Variants in SGSM1 observed in about 807,000 individuals in gnomAD.
The protein encoded by SGSM1 is small G protein signaling modulator 1.
SGSM1 carries 73 observed loss-of-function variants against 133.8 expected under a neutral mutation model. That is an observed-to-expected ratio of 0.55 (90% CI 0.45 to 0.66). The LOEUF (loss-of-function observed/expected upper bound fraction) is 0.66. Ranked by LOEUF, SGSM1 falls within the 30% of genes least tolerant of loss-of-function variation. The pLI is 0.00. For missense variants in SGSM1, 1,213 were observed against 1,448.1 expected (o/e 0.84, Z 2.64); for synonymous variants, 563 against 573.0 (o/e 0.98, Z 0.25).
chr22:24,859,198 G>A (rs557034724), intron 8 of SGSM1, among the ~76,000 whole-genome samples: 6 of 152,168 alleles, frequency 3.9e-5, no homozygotes, highest in Admixed American at 6.5e-5. Flanking sequence ...AAACAAAGCC[G>A]GTGAGAATTC....
In SGSM1 at chr22:24,855,342, A is replaced by T. The variant is rs1930706018; in HGVS notation, c.581A>T (p.Asp194Val). 1 of 1,613,314 alleles carries T rather than the reference A, an allele frequency of 6.2e-7. No homozygotes were observed. Among genetic ancestry groups the T allele is most frequent in the Non-Finnish European group, 8.5e-7 (1 of 1,179,636 alleles). ...KMKTADHFWT[D>V]PSADELVQRH... ...AAGACTGCAGATCACTTCTGGACCG[A>T]TCCCTCGGCTGACGAACTTGTCCAG... Residue 194 changes from aspartate (D) to valine (V), a missense_variant, in exon 7 of 25, where the codon GAT becomes GTT. Transcript: ENST00000400358.
chr22:24,901,801 T>C, intron 19 of SGSM1, 32 bp from the exon 20 acceptor site: 3 of 1,605,358 alleles, frequency 1.9e-6, no homozygotes, highest in Non-Finnish European at 2.6e-6. Context: ...TTTTCATTTC[T>C]TCCCCCTACC....
In SGSM1 at chr22:24,806,939, T is replaced by G. The variant is rs75249356; in HGVS notation, c.63+455T>G. Reference sequence around the variant, plus strand: ...GAAAAGGCAGAAGGAAAATAAAACCTCCCTTCCCAGCCCCCGAATTCTCAG... The same window carrying G: ...GAAAAGGCAGAAGGAAAATAAAACCGCCCTTCCCAGCCCCCGAATTCTCAG... On this transcript the variant is annotated intron_variant, in intron 2 of 24. Transcript: ENST00000400358. Among the ~76,000 whole-genome samples the G allele has an allele frequency of 1.3e-3, 197 of 151,840 alleles. 4 individuals are homozygous for G. The East Asian group carries it at 0.036, about 28-fold the overall frequency.
At chr22:24,812,165 G>A (rs141507295) in intron 2 of SGSM1, among the ~76,000 whole-genome samples, 2 of 120,504 alleles carry the variant, frequency 1.7e-5, no homozygotes, top group African/African-American at 6.4e-5. Context: ...GCAAGACTCC[G>A]TCTCAAAAAA....
chr22:24,926,080 A>C lies in SGSM1; in HGVS notation c.*1806A>C, dbSNP rs796228893. On this transcript the variant is annotated 3_prime_UTR_variant, in exon 25 of 25. Transcript: ENST00000400358. ...ATTTTGGAGAGGGAGAGGATAGGTA[A>C]AGCAGCGTATTGAAGCATTTGCGGA... 86 of 152,340 alleles carry C rather than the reference A, an allele frequency of 5.6e-4. No homozygotes were observed. The highest frequency in any genetic ancestry group is 2.0e-3 in the African/African-American group (84 of 41,534). 9.4% of individuals were successfully genotyped at this position (152,340 alleles called of 1,614,324 possible). A position where few individuals can be genotyped will look rare whatever the true frequency, so the allele number is the denominator to read the frequency against.
At chr22:24,905,391 C>G (rs1196799608) in intron 21 of SGSM1, among the ~76,000 whole-genome samples, 3 of 152,134 alleles carry the variant, frequency 2.0e-5, no homozygotes, top group Non-Finnish European at 4.4e-5. Flanking sequence ...CCAGACAGGC[C>G]TTTGCTAACC....
chr22:24,837,920 A>G (rs1009988072), intron 2 of SGSM1, among the ~76,000 whole-genome samples: 1 of 152,184 alleles, frequency 6.6e-6, no homozygotes, highest in African/African-American at 2.4e-5. Flanking sequence ...TCTAAGATCT[A>G]TATCTGGTAT....
intron 2 of SGSM1, among the ~76,000 whole-genome samples, chr22:24,824,292 G>A (rs1005492885): frequency 2.0e-5 from 3 of 152,158 alleles, no homozygotes; most frequent in African/African-American, 7.2e-5. Context: ...CACACAGAAG[G>A]AATGGCACAT....
At chr22:24,840,847 G>A (rs1406681602) in intron 2 of SGSM1, among the ~76,000 whole-genome samples, 1 of 151,866 alleles carries the variant, frequency 6.6e-6, no homozygotes, top group East Asian at 1.9e-4. Flanking sequence ...TTGTGTTTTT[G>A]TTTTGTTTTG....
chr22:24,879,436 G>A, intron 13 of SGSM1, 26 bp from the exon 14 acceptor site: 1 of 1,611,780 alleles, frequency 6.2e-7, no homozygotes, highest in Non-Finnish European at 8.5e-7. Flanking sequence ...TCTATTCTAA[G>A]CATCTCCCTC....
chr22:24,901,536 C>T (rs2095260974), intron 19 of SGSM1, among the ~76,000 whole-genome samples: 1 of 152,130 alleles, frequency 6.6e-6, no homozygotes, highest in South Asian at 2.1e-4. Flanking sequence ...CAGTACGTTA[C>T]CAGAATTTGC....
chr22:24,868,986 C>A, intron 12 of SGSM1, 131 bp downstream of exon 12: 1 of 1,375,592 alleles, frequency 7.3e-7, no homozygotes, highest in South Asian at 1.5e-5. Context: ...AACAGAAAGT[C>A]GGTTTCTTGG....
rs1004095014 is a variant in SGSM1 at position 24,908,531 on chromosome 22, G to A, written c.2818+3344G>A. ...GTAAAAAGACAACCTGGCCAGGCGC[G>A]GTGGCTCACGCCTGTAATCCCAGCA... is the stretch of plus-strand genomic sequence containing the variant. On this transcript the variant is annotated intron_variant, in intron 21 of 24. Coordinates refer to ENST00000400358, the MANE Select transcript of SGSM1 (RefSeq NM_001098497.3). Among the ~76,000 whole-genome samples the A allele has an allele frequency of 5.3e-5, 8 of 152,272 alleles. No individual in the cohort carries two copies. The East Asian group carries it at 5.8e-4, about 11-fold the overall frequency.
intron 2 of SGSM1, among the ~76,000 whole-genome samples, chr22:24,820,449 C>T (rs574186554): frequency 5.9e-5 from 9 of 152,132 alleles, no homozygotes; most frequent in Non-Finnish European, 1.3e-4. Flanking sequence ...GCCAAGTTAG[C>T]GGTGTTTGCT....
intron 11 of SGSM1, 43 bp from the exon 12 acceptor site, chr22:24,868,680 C>T (rs1931595203): frequency 6.2e-7 from 1 of 1,610,364 alleles, no homozygotes; most frequent in South Asian, 1.1e-5. Flanking sequence ...GTTGTGGGGA[C>T]AGATGTGTCC....
chr22:24,827,573 C>T (rs76343892), intron 2 of SGSM1, among the ~76,000 whole-genome samples: 10 of 152,152 alleles, frequency 6.6e-5, no homozygotes, highest in Non-Finnish European at 1.5e-4. Flanking sequence ...AAGGACGCCT[C>T]AGCAGCCGGC....
At chr22:24,918,788 A>G (rs1238046657) in intron 23 of SGSM1, among the ~76,000 whole-genome samples, 3 of 151,750 alleles carry the variant, frequency 2.0e-5, no homozygotes, top group African/African-American at 4.8e-5. Context: ...CTGGAGAGCA[A>G]TGGCGCGATC....
intron 2 of SGSM1, among the ~76,000 whole-genome samples, chr22:24,830,827 G>GTGATGC (rs1929081247): frequency 6.6e-6 from 1 of 152,148 alleles, no homozygotes; most frequent in Non-Finnish European, 1.5e-5. Context: ...CAGTTCCTAG[G>GTGATGC]TGATGCTGAT....
At position 24,917,664 on chromosome 22, in the gene SGSM1, G is replaced by T. The variant is rs1363674299; in HGVS notation, c.2935G>T (p.Asp979Tyr). ...ANMRSLIQIL[D>Y]SELFELMHQN... ...GCCTTTCCTTCCTTGACAGATCCTG[G>T]ACTCAGAGCTGTTTGAGCTGATGCA... The change falls in exon 23 of 25, where the codon GAC becomes TAC. Residue 979 changes from aspartate to tyrosine, a missense_variant. Transcript: ENST00000400358. 6.2e-7 allele frequency: 1 copy of T among 1,613,194 alleles called. No individual in the cohort carries two copies. Among genetic ancestry groups the T allele is most frequent in the Non-Finnish European group, 8.5e-7 (1 of 1,179,612 alleles).
Sources: gnomAD v4.1 joint callset for allele counts (sites outside exome capture counted in the v4.1 genomes callset) on GRCh38, gnomAD v4.1.1 for gene constraint, MANE v1.5 for transcripts, NCBI Gene and HGNC (gene_info 2026-07-23, HGNC 2026-07-21) for gene names.